The following IL18RAP variants were observed in gnomAD, a reference collection of about 807,000 sequenced individuals.
The protein encoded by IL18RAP is interleukin 18 receptor accessory protein, also known as interleukin-18 receptor accessory protein.
Under a neutral mutation model 58.1 loss-of-function variants are expected in IL18RAP, and 37 were observed. That is an observed-to-expected ratio of 0.64 (90% confidence interval 0.49 to 0.84). The LOEUF is 0.84. Among genes scored for constraint, IL18RAP ranks in the 40% least tolerant of loss-of-function variants. The pLI is 0.00. For synonymous variants in IL18RAP, 268 were observed against 257.5 expected (o/e 1.04, Z -0.39); for missense variants, 667 against 704.8 (o/e 0.95, Z 0.61).
chr2:102,426,855 C>T (rs111408239), intron 3 of IL18RAP, among the ~76,000 whole-genome samples: 1 of 152,010 alleles, frequency 6.6e-6, no homozygotes, highest in African/African-American at 2.4e-5. Context: ...AAACTTAACT[C>T]CTCCCATCTA....
At chr2:102,431,298 G>T (rs1190070417) in intron 3 of IL18RAP, among the ~76,000 whole-genome samples, 2 of 152,076 alleles carry the variant, frequency 1.3e-5, no homozygotes, top group African/African-American at 4.8e-5. Flanking sequence ...TAGCAATATT[G>T]GGACTTTCTT....
At chr2:102,451,079 C>T (rs1683735908) in intron 9 of IL18RAP, 58 bp downstream of exon 9, 1 of 1,374,110 alleles carries the variant, frequency 7.3e-7, no homozygotes, top group South Asian at 1.6e-5. Context: ...AATGCAATCC[C>T]CAAGTCTTTT....
chr2:102,443,361 C>T (rs1178800974), intron 6 of IL18RAP, 38 bp downstream of exon 6: 1 of 1,600,882 alleles, frequency 6.2e-7, no homozygotes, highest in Admixed American at 1.7e-5. Flanking sequence ...CTCTGCAATT[C>T]AGAAGAGATA....
At chr2:102,443,059 T>G (rs1683199862) in intron 5 of IL18RAP, 141 bp from the exon 6 acceptor site, 1 of 735,430 alleles carries the variant, frequency 1.4e-6, no homozygotes. Context: ...GTGTAGACGT[T>G]TCATTATTTC....
intron 3 of IL18RAP, among the ~76,000 whole-genome samples, chr2:102,425,599 A>G (rs1681889612): frequency 6.6e-6 from 1 of 152,046 alleles, no homozygotes; most frequent in Admixed American, 6.6e-5. Context: ...AGTTTTGTTC[A>G]TTATTTTCAG....
intron 4 of IL18RAP, among the ~76,000 whole-genome samples, chr2:102,440,641 GGA>G (rs138164079): frequency 0.019 from 2,938 of 151,782 alleles, 98 homozygotes; most frequent in African/African-American, 0.067. Flanking sequence ...AGAGAGAGAG[GGA>G]GAGAGAGACA....
rs763522256 is a variant in IL18RAP, at chr2:102,447,124, C to T, written c.1127C>T (p.Ala376Val). 1.1e-4 allele frequency: 179 copies of T among 1,613,944 alleles called. No individual in the cohort carries two copies. The highest frequency in any genetic ancestry group is 1.3e-4 in the Non-Finnish European group (154 of 1,180,000). ...GTIGTLVAVL[A>V]ASALLYRHWI... ...ATCGGGACCCTGGTGGCCGTGCTGG[C>T]GGCGAGTGCCCTCCTCTACAGGCAC... Residue 376 changes from alanine (A) to valine (V), a missense_variant, in exon 8 of 10, where the codon GCG becomes GTG. By Grantham distance (64) the Ala-to-Val change is moderately conservative. Coordinates refer to ENST00000687160, the MANE Select transcript of IL18RAP (RefSeq NM_001393487.1).
Position 102,452,030 on chromosome 2 carries a change from G to A in IL18RAP, c.1649G>A (p.Arg550Lys), listed in dbSNP as rs183073098. The A allele has an allele frequency of 9.3e-6, 15 of 1,614,118 alleles. No homozygotes were observed. In the African/African-American group the frequency reaches 2.0e-4, roughly 22 times the overall value. ...TTAAAATCAGTTCCTCCCAATTCTA[G>A]GTTCTGGGCCAAAATGCGCTACCAC... is the stretch of plus-strand genomic sequence containing the variant. ...RGLKSVPPNSRFWAKMRYHMP... is the reference protein window; with the variant it reads ...RGLKSVPPNSKFWAKMRYHMP... The change falls in exon 10 of 10, where the codon AGG (arginine) becomes AAG (lysine). Residue 550 changes from arginine (R) to lysine (K), a missense_variant. Coordinates refer to ENST00000687160, the MANE Select transcript of IL18RAP (RefSeq NM_001393487.1).
At chr2:102,450,780 T>C in intron 8 of IL18RAP, 68 bp from the exon 9 acceptor site, 1 of 916,344 alleles carries the variant, frequency 1.1e-6, no homozygotes, top group Non-Finnish European at 1.6e-6. Flanking sequence ...CAAGCATATG[T>C]ATGTGTACCA....
rs888822453 is a variant in IL18RAP at position 102,428,946 on chromosome 2, G to A, written c.579+4532G>A. ...TTTTGTCAAATGATATTTCTGCATCGATTGAGATCATCATACAGTTTTTAT... is the reference window on the plus strand; with the variant it reads ...TTTTGTCAAATGATATTTCTGCATCAATTGAGATCATCATACAGTTTTTAT... On this transcript the variant is annotated intron_variant, in intron 3 of 9. Coordinates refer to ENST00000687160, the MANE Select transcript of IL18RAP (RefSeq NM_001393487.1). Among the ~76,000 whole-genome samples the A allele has an allele frequency of 4.8e-4, 73 of 151,910 alleles. 1 individual carries two copies. Among genetic ancestry groups the A allele is most frequent in the South Asian group, 2.1e-4 (1 of 4,814 alleles).
chr2:102,449,774 T>C (rs530056573), intron 8 of IL18RAP, among the ~76,000 whole-genome samples: 65 of 152,272 alleles, frequency 4.3e-4, no homozygotes, highest in African/African-American at 1.5e-3. Context: ...TTTCACATGA[T>C]GTGGAAGGAA....
intron 8 of IL18RAP, among the ~76,000 whole-genome samples, chr2:102,448,803 T>A (rs1683586720): frequency 6.6e-6 from 1 of 151,348 alleles, no homozygotes; most frequent in Non-Finnish European, 1.5e-5. Flanking sequence ...TACAAGAAAT[T>A]TTTTAATGTT....
At position 102,452,352 on chromosome 2, in the gene IL18RAP, C is replaced by T. The variant is rs1683827014; in HGVS notation, c.*171C>T. 1 of 607,640 alleles carries T rather than the reference C, an allele frequency of 1.6e-6. No homozygotes were observed. The highest frequency in any genetic ancestry group is 2.7e-6 in the Non-Finnish European group (1 of 364,760). The allele number at this position is 607,640 out of a possible 1,614,324, so 37.6% of individuals were successfully genotyped here. Reference sequence around the variant, plus strand: ...GTGGGATTGAGACTGTGGTTTAGAGCCTTTGATTTCCTGGACTGGACTGAC... The same window carrying T: ...GTGGGATTGAGACTGTGGTTTAGAGTCTTTGATTTCCTGGACTGGACTGAC... On this transcript the variant is annotated 3_prime_UTR_variant, in exon 10 of 10. Transcript: ENST00000687160.
intron 7 of IL18RAP, 68 bp downstream of exon 7, chr2:102,445,408 A>G: frequency 6.8e-7 from 1 of 1,462,542 alleles, no homozygotes; most frequent in Non-Finnish European, 9.5e-7. Context: ...GTTTTCCTAA[A>G]GAATAGTAAT....
At chr2:102,448,320 T>G (rs368337697) in intron 8 of IL18RAP, among the ~76,000 whole-genome samples, 52 of 152,282 alleles carry the variant, frequency 3.4e-4, no homozygotes, top group African/African-American at 1.2e-3. Flanking sequence ...TTTAAGACGG[T>G]GGGAATGCCC....
chr2:102,426,929 C>T (rs1316276156), intron 3 of IL18RAP, among the ~76,000 whole-genome samples: 3 of 152,126 alleles, frequency 2.0e-5, no homozygotes, highest in Non-Finnish European at 4.4e-5. Context: ...ACCAATCAAG[C>T]CTCCATAATC....
chr2:102,452,174 A>T lies in IL18RAP; in HGVS notation c.1793A>T (p.Glu598Val), dbSNP rs1378426697. ...ETTGRSSQPK[E>V]W is the part of the protein sequence containing the mutation. Reference sequence around the variant, plus strand: ...ACTGGGAGGAGCTCCCAGCCTAAGGAATGGTGAAATGAGCCCTGGAGCCCC... The same window carrying T: ...ACTGGGAGGAGCTCCCAGCCTAAGGTATGGTGAAATGAGCCCTGGAGCCCC... The change falls in exon 10 of 10, where the codon GAA becomes GTA. Residue 598 changes from glutamate to valine, a missense_variant. By Grantham distance (121) the Glu-to-Val change is moderately radical (BLOSUM62 -2). Transcript: ENST00000687160. 2.5e-6 allele frequency: 4 copies of T among 1,600,384 alleles called. No individual in the cohort carries two copies. Among genetic ancestry groups the T allele is most frequent in the Non-Finnish European group, 3.4e-6 (4 of 1,173,774 alleles).
chr2:102,438,464 T>C (rs1203101991), intron 4 of IL18RAP, among the ~76,000 whole-genome samples: 1 of 152,224 alleles, frequency 6.6e-6, no homozygotes, highest in African/African-American at 2.4e-5. Context: ...GTTATATAGA[T>C]AAGATTTCAT....
At position 102,423,191 on chromosome 2, in the gene IL18RAP, A is replaced by C. The variant is rs921158416; in HGVS notation, c.-87A>C. 3.4e-6 allele frequency: 4 copies of C among 1,174,830 alleles called. No homozygotes were observed. The highest frequency in any genetic ancestry group is 1.5e-5 in the African/African-American group (1 of 65,846). The allele number at this position is 1,174,830 out of a possible 1,614,324, so 72.8% of individuals were successfully genotyped here. On this transcript the variant is annotated 5_prime_UTR_variant, in exon 1 of 10. Transcript: ENST00000687160. ...CTTGATTTACAGAAATGAAGGGGAT[A>C]CTCAGGGCAGAGTTCTGAATCTCAA...
Sources: gnomAD v4.1 joint callset for allele counts (sites outside exome capture counted in the v4.1 genomes callset) on GRCh38, gnomAD v4.1.1 for gene constraint, MANE v1.5 for transcripts, NCBI Gene and HGNC (gene_info 2026-07-23, HGNC 2026-07-21) for gene names.